The following VCL variants were observed in gnomAD, a reference collection of about 807,000 sequenced individuals.
VCL encodes vinculin.
Under a neutral mutation model 125.7 loss-of-function variants are expected in VCL, and 47 were observed. The ratio of observed to expected loss-of-function variants is 0.37; its 90% CI spans 0.30 to 0.48. VCL has a LOEUF of 0.48. Ranked by LOEUF, VCL falls within the 20% of genes least tolerant of loss-of-function variation. The pLI is 0.99. For synonymous variants in VCL, 458 were observed against 514.6 expected, an observed-to-expected ratio of 0.89 and a Z score of 1.49; for missense variants, 1,069 against 1,455.5, an observed-to-expected ratio of 0.73 and a Z score of 4.32.
At chr10:74,064,289 C>G (rs561429784) in intron 2 of VCL, among the ~76,000 whole-genome samples, 33 of 152,316 alleles carry the variant, frequency 2.2e-4, no homozygotes, top group African/African-American at 7.7e-4. Context: ...TCCCAGCACC[C>G]AGATGTGTTC....
At chr10:74,116,782 C>T (rs1412770096) in intron 21 of VCL, among the ~76,000 whole-genome samples, 1 of 152,116 alleles carries the variant, frequency 6.6e-6, no homozygotes, top group East Asian at 1.9e-4. Context: ...TCCTAATTCT[C>T]ACTCTATGAA....
chr10:74,100,183 G>A (rs1212473763), intron 13 of VCL, among the ~76,000 whole-genome samples: 1 of 152,196 alleles, frequency 6.6e-6, no homozygotes, highest in Non-Finnish European at 1.5e-5. Flanking sequence ...AAGAAGATAA[G>A]CTTTTGCAAG....
rs766538575 is a variant in VCL, at chr10:74,118,216, G to A, written c.*47G>A. ...GCACAGAAACCTCTACTAAAAAGAA[G>A]GAAAATGATCTGAGTCCCAGGAGCT... On this transcript the variant is annotated 3_prime_UTR_variant, in exon 22 of 22. Coordinates refer to ENST00000211998, the MANE Select transcript of VCL (RefSeq NM_014000.3). 6.2e-7 allele frequency: 1 copy of A among 1,612,744 alleles called. No homozygotes were observed. Among genetic ancestry groups the A allele is most frequent in the East Asian group, 2.2e-5 (1 of 44,842 alleles).
chr10:74,043,190 A>G (rs1841127934), intron 2 of VCL, 37 bp downstream of exon 2: 1 of 1,564,038 alleles, frequency 6.4e-7, no homozygotes, highest in East Asian at 2.2e-5. Context: ...GCTAAGCAGA[A>G]TAATACTCTT....
At position 74,090,192 on chromosome 10, in the gene VCL, G is replaced by T. The variant is rs755234443; in HGVS notation, c.1346G>T (p.Arg449Leu). The change falls in exon 10 of 22, where the codon CGA becomes CTA. Residue 449 changes from arginine to leucine, a missense_variant. Physicochemically the swap from Arg to Leu is moderately radical, Grantham distance 102 (BLOSUM62 -2). Around this residue, in one of 6 missense-constraint regions of VCL, gnomAD observed 760 missense variants for 928.9 expected, o/e 0.82. Coordinates refer to ENST00000211998, the MANE Select transcript of VCL (RefSeq NM_014000.3). The stretch of plus-strand genomic sequence containing the variant: ...CTGACTTCTAAATTAGCAGATCTAC[G>T]AAGACAGTATGTATTTAACCCTTAC... The part of the protein sequence containing the change: ...SALTSKLADL[R>L]RQGKGDSPEA... The T allele has an allele frequency of 6.2e-7, 1 of 1,614,090 alleles. No homozygotes were observed. The highest frequency in any genetic ancestry group is 8.5e-7 in the Non-Finnish European group (1 of 1,180,014).
At chr10:74,048,773 A>G (rs1039380804) in intron 2 of VCL, among the ~76,000 whole-genome samples, 2 of 152,236 alleles carry the variant, frequency 1.3e-5, no homozygotes, top group African/African-American at 4.8e-5. Context: ...TGCAAATAAT[A>G]TATTAACAGT....
intron 6 of VCL, among the ~76,000 whole-genome samples, chr10:74,080,653 A>G (rs539111938): frequency 6.7e-6 from 1 of 149,000 alleles, no homozygotes; most frequent in South Asian, 2.3e-4. Context: ...ACTGAAAATA[A>G]AAGTGTGTTA....
intron 1 of VCL, among the ~76,000 whole-genome samples, chr10:74,036,668 T>G (rs1442777879): frequency 6.6e-6 from 1 of 151,656 alleles, no homozygotes; most frequent in Non-Finnish European, 1.5e-5. Context: ...CCCAGCAGTT[T>G]GAGTCCAGCC....
In VCL at chr10:74,030,071, C is replaced by T. The variant is rs150173389; in HGVS notation, c.169-13012C>T. ...GATATTGAGATGTTTGCCTAATGCACTGTGCTAATTAAGGTTGTTTGTTTA... is the reference window on the plus strand; with the variant it reads ...GATATTGAGATGTTTGCCTAATGCATTGTGCTAATTAAGGTTGTTTGTTTA... On this transcript the variant is annotated intron_variant, in intron 1 of 21. Coordinates refer to ENST00000211998, the MANE Select transcript of VCL (RefSeq NM_014000.3). Among the ~76,000 whole-genome samples, 621 of 152,282 alleles carry T rather than the reference C, an allele frequency of 4.1e-3. 5 individuals carry two copies. The highest frequency in any genetic ancestry group is 0.014 in the African/African-American group (598 of 41,548).
intron 2 of VCL, among the ~76,000 whole-genome samples, chr10:74,063,018 C>T (rs931061267): frequency 3.9e-5 from 6 of 152,064 alleles, no homozygotes; most frequent in Non-Finnish European, 7.4e-5. Flanking sequence ...TGCTTTGAGC[C>T]GAGATCGCAC....
chr10:74,102,939 T>C (rs1259554547), intron 14 of VCL, among the ~76,000 whole-genome samples: 1 of 152,032 alleles, frequency 6.6e-6, no homozygotes, highest in Non-Finnish European at 1.5e-5. Flanking sequence ...TGATCTTGGC[T>C]CACTGCAACC....
intron 19 of VCL, among the ~76,000 whole-genome samples, chr10:74,113,594 C>G (rs1231293120): frequency 6.7e-6 from 1 of 149,840 alleles, no homozygotes; most frequent in Non-Finnish European, 1.5e-5. Context: ...TTTTTTTTTC[C>G]CTCACCCAGC....
intron 5 of VCL, among the ~76,000 whole-genome samples, chr10:74,074,066 A>AAAAACAAAACAAAAC (rs199568482): frequency 0.061 from 9,279 of 151,992 alleles, 968 homozygotes; most frequent in African/African-American, 0.21. Flanking sequence ...CGTCTCTACT[A>AAAAACAAAACAAAAC]AAAACAAAAC....
chr10:74,087,299 T>TTTTA (rs1042392021), intron 8 of VCL, among the ~76,000 whole-genome samples: 14 of 149,548 alleles, frequency 9.4e-5, no homozygotes, highest in Non-Finnish European at 1.9e-4. Flanking sequence ...AACAGAATAA[T>TTTTA]TTTATTTATT....
rs1840381053 is a variant in VCL, at chr10:74,119,882, T to C, written c.*1713T>C. 6.6e-6 allele frequency: 1 copy of C among 152,406 alleles called. No homozygotes were observed. Among genetic ancestry groups the C allele is most frequent in the African/African-American group, 2.4e-5 (1 of 41,256 alleles). 9.4% of individuals were successfully genotyped at this position (152,406 alleles called of 1,614,324 possible). On this transcript the variant is annotated 3_prime_UTR_variant, in exon 22 of 22. Transcript: ENST00000211998. ...CACTTGTTGTTTTACTAAAGAAAGA[T>C]TACTTAGAGGAAATAAGAAAAATCA...
chr10:74,112,505 G>C (rs1840241750), intron 19 of VCL, among the ~76,000 whole-genome samples: 1 of 152,166 alleles, frequency 6.6e-6, no homozygotes, highest in African/African-American at 2.4e-5. Flanking sequence ...GCTCCCAACT[G>C]ACCCCTCACT....
At chr10:74,050,300 G>C (rs1050429482) in intron 2 of VCL, among the ~76,000 whole-genome samples, 1 of 152,158 alleles carries the variant, frequency 6.6e-6, no homozygotes, top group African/African-American at 2.4e-5. Context: ...ATAAAAGAAT[G>C]TTCCCAAAAT....
chr10:74,018,815 CATAGGAAACCGATGCACTTA>C (rs1237690214), intron 1 of VCL, among the ~76,000 whole-genome samples: 4 of 152,206 alleles, frequency 2.6e-5, no homozygotes, highest in Non-Finnish European at 5.9e-5. Flanking sequence ...TTTCCCTCCT[CATAGGAAACCGATGCACTTA>C]AGAAACCCAA....
chr10:74,082,957 A>T (rs1839701512), intron 7 of VCL, among the ~76,000 whole-genome samples: 1 of 152,250 alleles, frequency 6.6e-6, no homozygotes, highest in African/African-American at 2.4e-5. Flanking sequence ...CTGTATAAAG[A>T]TAAGACCCAA....
Sources: allele counts gnomAD v4.1 joint callset (sites outside exome capture counted in the v4.1 genomes callset), GRCh38; gene constraint gnomAD v4.1.1; regional missense constraint gnomAD v4.1.1; transcripts MANE v1.5; gene names NCBI Gene and HGNC (gene_info 2026-07-23, HGNC 2026-07-21).